Variants in HMGCL observed in about 807,000 individuals in gnomAD.
HMGCL encodes the protein hydroxymethylglutaryl-CoA lyase, mitochondrial.
A neutral mutation model predicts 37.3 loss-of-function variants in HMGCL; 26 were observed. The observed-to-expected ratio is 0.70, with a 90% CI of 0.51 to 0.97. The LOEUF is 0.97. Ranked by LOEUF, HMGCL falls within the 50% of genes least tolerant of loss-of-function variation. HMGCL has a pLI of 0.00. For missense variants in HMGCL, 379 were observed against 398.1 expected (o/e 0.95, Z 0.41); for synonymous variants, 151 against 148.0 (o/e 1.02, Z -0.15).
chr1:23,808,032 C>A, intron 7 of HMGCL, 103 bp downstream of exon 7: 1 of 1,087,896 alleles, frequency 9.2e-7, no homozygotes, highest in South Asian at 1.3e-5. Context: ...CAGCTTGGAA[C>A]CTGGCATACT....
intron 3 of HMGCL, 103 bp from the exon 4 acceptor site, chr1:23,816,873 T>C: frequency 5.1e-6 from 4 of 781,272 alleles, no homozygotes; most frequent in Admixed American, 3.6e-5. Context: ...CCAGAACTCT[T>C]AGCGAGTAAT....
At chr1:23,815,894 T>C (rs1467397828) in intron 4 of HMGCL, among the ~76,000 whole-genome samples, 1 of 150,892 alleles carries the variant, frequency 6.6e-6, no homozygotes, top group African/African-American at 2.4e-5. Context: ...CCACCACCAC[T>C]GCCATCACCA....
At chr1:23,814,104 T>C (rs2148422367) in intron 5 of HMGCL, 86 bp downstream of exon 5, 1 of 1,472,648 alleles carries the variant, frequency 6.8e-7, no homozygotes, top group Non-Finnish European at 9.5e-7. Context: ...GGATAAGAAG[T>C]TTGTGGCAGG....
intron 2 of HMGCL, among the ~76,000 whole-genome samples, chr1:23,819,654 G>A (rs1470984991): frequency 2.6e-5 from 4 of 152,152 alleles, no homozygotes; most frequent in Admixed American, 6.5e-5. Context: ...ACTTGAACCC[G>A]GGAGGAGGAG....
intron 6 of HMGCL, chr1:23,809,545 A>G (rs926400955): frequency 3.9e-5 from 6 of 151,994 alleles, no homozygotes; most frequent in African/African-American, 1.2e-4. Context: ...GCCAATAGTT[A>G]TATTTTTTAA....
At chr1:23,816,092 T>C (rs1018098764) in intron 4 of HMGCL, among the ~76,000 whole-genome samples, 1 of 150,612 alleles carries the variant, frequency 6.6e-6, no homozygotes, top group African/African-American at 2.4e-5. Context: ...TAATTGATTT[T>C]TTTTTTTTTT....
intron 4 of HMGCL, among the ~76,000 whole-genome samples, chr1:23,815,253 G>A (rs1638591914): frequency 6.6e-6 from 1 of 151,862 alleles, no homozygotes; most frequent in South Asian, 2.1e-4. Context: ...CAGAGACACA[G>A]AAAAGGTGGC....
At chr1:23,816,948 G>A (rs909915714) in intron 3 of HMGCL, among the ~76,000 whole-genome samples, 178 bp from the exon 4 acceptor site, 3 of 152,190 alleles carry the variant, frequency 2.0e-5, no homozygotes, top group African/African-American at 7.2e-5. Context: ...TGGCTCAGAA[G>A]GGCCCTTGGT....
At chr1:23,813,782 T>C in intron 5 of HMGCL, 1 of 262,076 alleles carries the variant, frequency 3.8e-6, no homozygotes, top group South Asian at 4.6e-5. Flanking sequence ...TCTCCAGGGA[T>C]GTGTGAAGAG....
intron 6 of HMGCL, among the ~76,000 whole-genome samples, chr1:23,808,942 G>A (rs911284770): frequency 2.7e-5 from 4 of 150,602 alleles, no homozygotes; most frequent in Admixed American, 2.6e-4. Flanking sequence ...GTCTCACTCT[G>A]TCGCCCAGGC....
intron 5 of HMGCL, among the ~76,000 whole-genome samples, chr1:23,813,465 A>C (rs1423719450): frequency 4.7e-5 from 7 of 147,578 alleles, no homozygotes; most frequent in South Asian, 4.3e-4. Flanking sequence ...ATGGGGTTTC[A>C]CCATGTCGGC....
rs57499593 is a variant in HMGCL, at chr1:23,823,346, ATATT to A, written c.60+2006_60+2009del. Among the ~76,000 whole-genome samples the A allele has an allele frequency of 2.8e-3, 418 of 147,934 alleles. 3 individuals are homozygous for A. The highest frequency in any genetic ancestry group is 9.3e-3 in the African/African-American group (373 of 40,006). On this transcript the variant is annotated intron_variant, in intron 1 of 8. Coordinates refer to ENST00000374490, the MANE Select transcript of HMGCL (RefSeq NM_000191.3). ...CCAGGCACATACAAGAGCCATTTAC[ATATT>A]TATTTATTTATTTATTTATTTGAGA...
chr1:23,808,288 C>A lies in HMGCL; in HGVS notation c.597G>T (p.Glu199Asp). Residue 199 changes from glutamate (E) to aspartate (D), a missense_variant, in exon 7 of 9, where the codon GAG (glutamate) becomes GAT (aspartate). Physicochemically the swap from Glu to Asp is conservative, Grantham distance 45. Coordinates refer to ENST00000374490, the MANE Select transcript of HMGCL (RefSeq NM_000191.3). Reference sequence around the variant, plus strand: ...CACCAATGGTGTCCCCCAGGGAGATCTCGTAGCAGCCCATTGAGTAGAACT... The same window carrying A: ...CACCAATGGTGTCCCCCAGGGAGATATCGTAGCAGCCCATTGAGTAGAACT... ...TKKFYSMGCYEISLGDTIGVG... is the reference protein window; with the variant it reads ...TKKFYSMGCYDISLGDTIGVG... The A allele has an allele frequency of 6.2e-7, 1 of 1,614,082 alleles. No individual in the cohort carries two copies. The highest frequency in any genetic ancestry group is 8.5e-7 in the Non-Finnish European group (1 of 1,180,004).
Position 23,817,462 on chromosome 1 carries a change from G to A in HMGCL, c.252+14C>T, listed in dbSNP as rs1638631615. ...TCCCTAGAGAAAGGCCTTTCATTGA[G>A]GGCTAGGGCTCACCTGGGGAACCCA... On this transcript the variant is annotated intron_variant, in intron 3 of 8. Coordinates refer to ENST00000374490, the MANE Select transcript of HMGCL (RefSeq NM_000191.3). 3 of 1,477,258 alleles carry A rather than the reference G, an allele frequency of 2.0e-6. No homozygotes were observed. Among genetic ancestry groups the A allele is most frequent in the Non-Finnish European group, 2.8e-6 (3 of 1,055,222 alleles). 91.5% of individuals were successfully genotyped at this position (1,477,258 alleles called of 1,614,324 possible).
At chr1:23,818,018 C>T (rs1266370218) in intron 2 of HMGCL, among the ~76,000 whole-genome samples, 2 of 152,228 alleles carry the variant, frequency 1.3e-5, no homozygotes, top group Non-Finnish European at 2.9e-5. Flanking sequence ...CCATCATTAT[C>T]CTGTATATAA....
At chr1:23,813,877 G>C (rs976076739) in intron 5 of HMGCL, 4 of 417,502 alleles carry the variant, frequency 9.6e-6, no homozygotes, top group Non-Finnish European at 1.8e-5. Flanking sequence ...GATAGCAGTG[G>C]TGCTATCATG....
At position 23,825,395 on chromosome 1, in the gene HMGCL, C is replaced by T. The variant is rs751528960; in HGVS notation, c.21G>A (p.Ala7=). 47 of 1,560,880 alleles carry T rather than the reference C, an allele frequency of 3.0e-5. No individual in the cohort carries two copies. The highest frequency in any genetic ancestry group is 3.9e-5 in the Non-Finnish European group (45 of 1,153,040). Residue 7 remains alanine, a synonymous_variant, in exon 1 of 9, where the codon GCG becomes GCA. Transcript: ENST00000374490. ...CCAAGCCCACCAGTCGCCGCGGAAG[C>T]GCCTTCCTCATTGCTGCCATCTTGG... MAAMRK[A]LPRRLVGLAS...
At position 23,820,571 on chromosome 1, in the gene HMGCL, G is replaced by A. The variant is rs1298808942; in HGVS notation, c.83C>T (p.Thr28Ile). The A allele has an allele frequency of 1.9e-6, 3 of 1,613,966 alleles. No individual in the cohort carries two copies. Among genetic ancestry groups the A allele is most frequent in the Non-Finnish European group, 2.5e-6 (3 of 1,179,888 alleles). Residue 28 changes from threonine (T) to isoleucine (I), a missense_variant, in exon 2 of 9, where the codon ACT becomes ATT. Transcript: ENST00000374490. Reference sequence around the variant, plus strand: ...CACAATTTTCACCCGCTTTGGTAAAGTGCCCATAGATGAGGTGCTGACCTT... The same window carrying A: ...CACAATTTTCACCCGCTTTGGTAAAATGCCCATAGATGAGGTGCTGACCTT... ...LRAVSTSSMG[T>I]LPKRVKIVEV...
rs1207268302 is a variant in HMGCL at position 23,802,177 on chromosome 1, G to C, written c.*286C>G. The C allele has an allele frequency of 5.0e-6, 3 of 594,430 alleles. No individual in the cohort carries two copies. Among genetic ancestry groups the C allele is most frequent in the Non-Finnish European group, 9.0e-6 (3 of 334,632 alleles). The allele number at this position is 594,430 out of a possible 1,614,324, so 36.8% of individuals were successfully genotyped here. On this transcript the variant is annotated 3_prime_UTR_variant, in exon 9 of 9. Transcript: ENST00000374490. ...AAGGATCATGCTAAGTAGGGAACGG[G>C]GTTCCCACACGTCCTCAGGCATTCA...
Sources: gnomAD v4.1 joint callset for allele counts (sites outside exome capture counted in the v4.1 genomes callset) on GRCh38, gnomAD v4.1.1 for gene constraint, MANE v1.5 for transcripts, NCBI Gene and HGNC (gene_info 2026-07-23, HGNC 2026-07-21) for gene names.